Variants in SMARCAD1 observed in about 807,000 individuals in gnomAD.
The protein encoded by SMARCAD1 is SNF2 related chromatin remodeling ATPase with DExD box 1, also known as SWI/SNF-related matrix-associated actin-dependent regulator of chromatin subfamily A containing DEAD/H box 1.
Under a neutral mutation model 127.1 loss-of-function variants are expected in SMARCAD1, and 25 were observed. The ratio of observed to expected loss-of-function variants is 0.20; its 90% CI spans 0.14 to 0.27. The LOEUF is 0.27. Among genes scored for constraint, SMARCAD1 ranks in the 10% least tolerant of loss-of-function variants. The probability of loss-of-function intolerance (pLI) is 1.00; values close to 1 mark genes in which losing one functional copy is unlikely to be tolerated. For missense variants in SMARCAD1, 807 were observed against 1,206.0 expected (o/e 0.67, Z 4.90); for synonymous variants, 400 against 396.9 (o/e 1.01, Z -0.09).
Position 94,290,188 on chromosome 4 carries a change from AAAG to A in SMARCAD1, c.*658_*660del, listed in dbSNP as rs1193667465. ...AGTTGTTTTCCAGTGAATAGTAACT[AAAG>A]AAGCCCCTACCTTGCTCCATGGATT... is the stretch of plus-strand genomic sequence containing the variant. On this transcript the variant is annotated 3_prime_UTR_variant, in exon 24 of 24. Transcript: ENST00000354268. 3 of 454,382 alleles carry A rather than the reference AAAG, an allele frequency of 6.6e-6. No homozygotes were observed. Among genetic ancestry groups the A allele is most frequent in the Admixed American group, 4.7e-5 (2 of 42,556 alleles). The allele number at this position is 454,382 out of a possible 1,614,324, so 28.1% of individuals were successfully genotyped here.
chr4:94,238,604 C>A (rs1012229478), intron 5 of SMARCAD1, among the ~76,000 whole-genome samples: 4 of 151,848 alleles, frequency 2.6e-5, no homozygotes, highest in Non-Finnish European at 5.9e-5. Flanking sequence ...CAGAGCAAGA[C>A]CCTGTCTCAA....
intron 10 of SMARCAD1, among the ~76,000 whole-genome samples, chr4:94,270,397 T>A (rs41275681): frequency 0.14 from 21,888 of 152,064 alleles, 1,799 homozygotes; most frequent in Non-Finnish European, 0.19. Context: ...ACAATTCAAT[T>A]TTCTATTATA....
At chr4:94,251,288 C>T (rs1222758757) in intron 8 of SMARCAD1, among the ~76,000 whole-genome samples, 1 of 152,074 alleles carries the variant, frequency 6.6e-6, no homozygotes, top group African/African-American at 2.4e-5. Context: ...ACTCTTAATT[C>T]TAGGAACCAA....
intron 2 of SMARCAD1, among the ~76,000 whole-genome samples, chr4:94,224,612 G>A (rs1455714115): frequency 6.6e-6 from 1 of 152,130 alleles, no homozygotes; most frequent in African/African-American, 2.4e-5. Flanking sequence ...TGGGTTTTTG[G>A]ATCAGGATGT....
At chr4:94,235,989 C>T (rs114343975) in intron 4 of SMARCAD1, among the ~76,000 whole-genome samples, 2 of 152,038 alleles carry the variant, frequency 1.3e-5, no homozygotes, top group African/African-American at 4.8e-5. Flanking sequence ...TTCAAGTGAT[C>T]CCCTTCAGTT....
intron 3 of SMARCAD1, 102 bp downstream of exon 3, chr4:94,226,398 TTTTC>T: frequency 1.3e-6 from 1 of 743,530 alleles, no homozygotes; most frequent in Non-Finnish European, 2.0e-6. Context: ...CTTTTTTTTT[TTTTC>T]TTTTTTTTTT....
intron 15 of SMARCAD1, 115 bp downstream of exon 15, chr4:94,276,589 T>G: frequency 7.5e-7 from 1 of 1,336,390 alleles, no homozygotes; most frequent in Middle Eastern, 2.4e-4. Context: ...TATGTAGTAT[T>G]CTGTGTTAGC....
At chr4:94,214,991 A>C (rs1235266692) in intron 2 of SMARCAD1, among the ~76,000 whole-genome samples, 2 of 152,288 alleles carry the variant, frequency 1.3e-5, no homozygotes, top group East Asian at 3.9e-4. Context: ...TAAAAAGTCA[A>C]CTGTTTGGGT....
At chr4:94,289,336 C>T (rs1755396152) in intron 23 of SMARCAD1, 137 bp from the exon 24 acceptor site, 3 of 718,450 alleles carry the variant, frequency 4.2e-6, no homozygotes, top group Non-Finnish European at 4.8e-6. Flanking sequence ...AAGTTTTTAA[C>T]AGGGGTGAGT....
At chr4:94,266,210 G>A (rs572320217) in intron 10 of SMARCAD1, among the ~76,000 whole-genome samples, 2 of 152,114 alleles carry the variant, frequency 1.3e-5, no homozygotes, top group South Asian at 4.1e-4. Flanking sequence ...TTGGATATGG[G>A]GAGTTCTTCA....
intron 21 of SMARCAD1, among the ~76,000 whole-genome samples, chr4:94,281,791 C>T (rs971346356): frequency 2.0e-5 from 3 of 151,916 alleles, no homozygotes; most frequent in Middle Eastern, 3.2e-3. Flanking sequence ...GAGGCTGATG[C>T]GGGCGGATTG....
At chr4:94,277,256 T>C in intron 16 of SMARCAD1, 97 bp downstream of exon 16, 1 of 1,394,422 alleles carries the variant, frequency 7.2e-7, no homozygotes, top group Non-Finnish European at 1.0e-6. Flanking sequence ...ATAGTGCATA[T>C]GCTCTATGAA....
intron 3 of SMARCAD1, among the ~76,000 whole-genome samples, chr4:94,230,928 G>T (rs144737024): frequency 6.6e-6 from 1 of 152,234 alleles, no homozygotes; most frequent in East Asian, 1.9e-4. Context: ...TGAGGGTGGG[G>T]CCAAATTTTC....
intron 6 of SMARCAD1, among the ~76,000 whole-genome samples, chr4:94,246,756 G>A (rs1055972299): frequency 6.6e-6 from 1 of 152,136 alleles, no homozygotes; most frequent in Non-Finnish European, 1.5e-5. Flanking sequence ...TCTAGACTGT[G>A]CAAAACCATC....
chr4:94,256,380 G>C (rs1334589200), intron 9 of SMARCAD1, among the ~76,000 whole-genome samples: 1 of 151,872 alleles, frequency 6.6e-6, no homozygotes, highest in Non-Finnish European at 1.5e-5. Flanking sequence ...GTTTTGTTTT[G>C]AGACAGAGTT....
intron 3 of SMARCAD1, among the ~76,000 whole-genome samples, chr4:94,228,634 GAA>G (rs113881690): frequency 2.8e-5 from 4 of 140,686 alleles, no homozygotes; most frequent in African/African-American, 2.6e-5. Flanking sequence ...ATCTTGCAGT[GAA>G]AAAAAAAAAA....
intron 2 of SMARCAD1, among the ~76,000 whole-genome samples, chr4:94,215,084 C>T (rs1742949431): frequency 6.6e-6 from 1 of 152,114 alleles, no homozygotes; most frequent in Non-Finnish European, 1.5e-5. Context: ...AATGATGATA[C>T]TGAATGTATC....
rs1476563428 is a variant in SMARCAD1, at chr4:94,290,825, T to C, written c.*1291T>C. ...ATAAACTTATTTATAAATCAAAGAT[T>C]TGTTAATTTTTGGAAATCATGCTTT... On this transcript the variant is annotated 3_prime_UTR_variant, in exon 24 of 24. Coordinates refer to ENST00000354268, the MANE Select transcript of SMARCAD1 (RefSeq NM_020159.5). 1 of 437,066 alleles carries C rather than the reference T, an allele frequency of 2.3e-6. No homozygotes were observed. The highest frequency in any genetic ancestry group is 4.5e-6 in the Non-Finnish European group (1 of 220,608). 27.1% of individuals were successfully genotyped at this position (437,066 alleles called of 1,614,324 possible).
intron 2 of SMARCAD1, among the ~76,000 whole-genome samples, chr4:94,213,550 C>T (rs1742637266): frequency 6.6e-6 from 1 of 150,592 alleles, no homozygotes; most frequent in Non-Finnish European, 1.5e-5. Context: ...CATCATAGAG[C>T]ATTTCATTAT....
Sources: allele counts gnomAD v4.1 joint callset (sites outside exome capture counted in the v4.1 genomes callset), GRCh38; gene constraint gnomAD v4.1.1; transcripts MANE v1.5; gene names NCBI Gene and HGNC (gene_info 2026-07-23, HGNC 2026-07-21).